Variants in SGCZ observed in about 807,000 individuals in gnomAD.
SGCZ encodes zeta-sarcoglycan.
SGCZ carries 40 observed loss-of-function variants against 41.3 expected under a neutral mutation model. That is an observed-to-expected ratio of 0.97 (90% CI 0.75 to 1.26). The LOEUF (loss-of-function observed/expected upper bound fraction) is 1.26, where lower values mean the gene tolerates loss of function less well. Ranked by LOEUF, SGCZ falls within the 50% of genes most tolerant of loss-of-function variation. The pLI, the probability that SGCZ is intolerant of heterozygous loss-of-function variation, is 0.00. For missense variants in SGCZ, 552 were observed against 369.8 expected, an observed-to-expected ratio of 1.49 and a Z score of -4.04; for synonymous variants, 206 against 137.5, an observed-to-expected ratio of 1.50 and a Z score of -3.49.
rs114976895 is a variant in SGCZ at position 15,147,275 on chromosome 8, C to T, written c.39+90310G>A. ...CATGAAGCAGAAATTAAAAGGACATCGCTGTTTTGTTCTGTTTTTTGAGAC... is the reference window on the plus strand; with the variant it reads ...CATGAAGCAGAAATTAAAAGGACATTGCTGTTTTGTTCTGTTTTTTGAGAC... On this transcript the variant is annotated intron_variant, in intron 1 of 7. Coordinates refer to ENST00000382080, the MANE Select transcript of SGCZ (RefSeq NM_139167.4). 7.6e-3 allele frequency among the ~76,000 whole-genome samples: 1,150 copies of T among 152,062 alleles called. 18 individuals carry two copies. Among genetic ancestry groups the T allele is most frequent in the African/African-American group, 0.027 (1,102 of 41,480 alleles).
intron 2 of SGCZ, chr8:14,332,449 A>G (rs1357083149): frequency 6.6e-6 from 1 of 152,080 alleles, no homozygotes; most frequent in African/African-American, 2.4e-5. Context: ...TCAAAAAAAT[A>G]AAATAAAATA....
chr8:14,649,222 C>T (rs938903961), intron 1 of SGCZ, among the ~76,000 whole-genome samples: 8 of 152,068 alleles, frequency 5.3e-5, no homozygotes, highest in Non-Finnish European at 1.0e-4. Flanking sequence ...ACAGTAATTG[C>T]CTCTTCTTCC....
chr8:14,634,557 G>C (rs143043529), intron 1 of SGCZ, among the ~76,000 whole-genome samples: 5 of 151,872 alleles, frequency 3.3e-5, no homozygotes, highest in Non-Finnish European at 7.4e-5. Flanking sequence ...AAATCAGATT[G>C]AACCCTTACT....
intron 1 of SGCZ, among the ~76,000 whole-genome samples, chr8:15,110,488 T>C (rs1359219608): frequency 6.6e-6 from 1 of 152,222 alleles, no homozygotes; most frequent in Non-Finnish European, 1.5e-5. Context: ...GAGCCTTCAG[T>C]TACTTTTCAT....
intron 5 of SGCZ, among the ~76,000 whole-genome samples, chr8:14,112,827 C>T (rs981023735): frequency 4.6e-5 from 7 of 152,060 alleles, no homozygotes. Context: ...ACTAATAACT[C>T]TTCTCATTCC....
intron 3 of SGCZ, chr8:14,309,629 A>G: frequency 1.2e-6 from 2 of 1,610,866 alleles, no homozygotes; most frequent in Non-Finnish European, 1.7e-6. Context: ...ACGCAGACAC[A>G]GCTACTAAGA....
chr8:14,448,024 C>T (rs534656552), intron 2 of SGCZ, among the ~76,000 whole-genome samples: 13 of 151,944 alleles, frequency 8.6e-5, no homozygotes, highest in Non-Finnish European at 1.8e-4. Context: ...AGTCTGAAAT[C>T]GGGGTGAAAA....
intron 1 of SGCZ, among the ~76,000 whole-genome samples, chr8:15,019,362 G>A (rs1335246221): frequency 6.6e-6 from 1 of 152,192 alleles, no homozygotes; most frequent in African/African-American, 2.4e-5. Context: ...CCGTGGATCT[G>A]TGGCGTATGC....
At chr8:14,798,341 C>G (rs7845724) in intron 1 of SGCZ, among the ~76,000 whole-genome samples, 10,163 of 152,198 alleles carry the variant, frequency 0.067, 759 homozygotes, top group African/African-American at 0.18. Context: ...TTTTATTTTA[C>G]AATTCATCTT....
intron 3 of SGCZ, among the ~76,000 whole-genome samples, chr8:14,267,033 G>A (rs1264085599): frequency 6.6e-6 from 1 of 151,942 alleles, no homozygotes; most frequent in Non-Finnish European, 1.5e-5. Flanking sequence ...ATCATCTTAT[G>A]TTTTTACAGG....
chr8:14,551,801 A>T (rs75810521), intron 2 of SGCZ, among the ~76,000 whole-genome samples: 3,104 of 147,492 alleles, frequency 0.021, 113 homozygotes, highest in African/African-American at 0.074. Context: ...TTTATTTTCT[A>T]AAAAATGAAA....
chr8:15,065,131 T>C (rs529797461), intron 1 of SGCZ, among the ~76,000 whole-genome samples: 1 of 152,230 alleles, frequency 6.6e-6, no homozygotes, highest in East Asian at 1.9e-4. Flanking sequence ...CCTGCATCCA[T>C]GTATCCTCCA....
rs1452587181 is a variant in SGCZ, at chr8:14,944,850, A to C, written c.39+292735T>G. 2.0e-5 allele frequency among the ~76,000 whole-genome samples: 3 copies of C among 152,284 alleles called. No homozygotes were observed. In the East Asian group the frequency reaches 5.8e-4, roughly 29 times the overall value. On this transcript the variant is annotated intron_variant, in intron 1 of 7. Transcript: ENST00000382080. ...CTCTCACACCATCATAAAGTTGAAA[A>C]ATCATTAAGTCAAACCATTGTAAGT...
chr8:14,490,778 T>G (rs750462914), intron 2 of SGCZ, among the ~76,000 whole-genome samples: 3 of 151,668 alleles, frequency 2.0e-5, no homozygotes, highest in Non-Finnish European at 2.9e-5. Context: ...CAGATTCTCA[T>G]GTAAGCTCTA....
chr8:14,821,974 C>A (rs970348058), intron 1 of SGCZ, among the ~76,000 whole-genome samples: 3 of 151,434 alleles, frequency 2.0e-5, no homozygotes, highest in Non-Finnish European at 4.4e-5. Context: ...GACAATTAGG[C>A]AAGAGAAAAA....
chr8:14,689,850 A>G (rs10088482), intron 1 of SGCZ, among the ~76,000 whole-genome samples: 4,247 of 152,278 alleles, frequency 0.028, 221 homozygotes, highest in African/African-American at 0.097. Context: ...GAGCAAAGTG[A>G]GGACAGAGAA....
At chr8:14,783,122 A>T (rs1396200109) in intron 1 of SGCZ, among the ~76,000 whole-genome samples, 1 of 152,170 alleles carries the variant, frequency 6.6e-6, no homozygotes. Context: ...TAAATTAGGG[A>T]ATTCCAAGAG....
intron 1 of SGCZ, among the ~76,000 whole-genome samples, chr8:15,227,354 T>C (rs1389496790): frequency 1.3e-5 from 2 of 152,208 alleles, no homozygotes; most frequent in African/African-American, 4.8e-5. Flanking sequence ...ATATAATGCA[T>C]ATACATAGAA....
intron 1 of SGCZ, among the ~76,000 whole-genome samples, chr8:15,231,859 T>G (rs1238742446): frequency 3.3e-5 from 5 of 152,118 alleles, no homozygotes; most frequent in Non-Finnish European, 7.3e-5. Context: ...TGGCCTCAAG[T>G]GATCCACCTG....
Sources: allele counts gnomAD v4.1 joint callset (sites outside exome capture counted in the v4.1 genomes callset), GRCh38; gene constraint gnomAD v4.1.1; transcripts MANE v1.5; gene names NCBI Gene and HGNC (gene_info 2026-07-23, HGNC 2026-07-21).